Variants in AKAP13 observed in about 807,000 individuals in gnomAD.
The protein encoded by AKAP13 is A-kinase anchoring protein 13, also known as A-kinase anchor protein 13.
Under a neutral mutation model 264.5 loss-of-function variants are expected in AKAP13, and 80 were observed. The ratio of observed to expected loss-of-function variants is 0.30; its 90% CI spans 0.25 to 0.36. The LOEUF (loss-of-function observed/expected upper bound fraction) is 0.36. Ranked by LOEUF, AKAP13 falls within the 10% of genes least tolerant of loss-of-function variation. AKAP13 has a pLI of 1.00. For synonymous variants in AKAP13, 1,380 were observed against 1,250.2 expected, an observed-to-expected ratio of 1.10 and a Z score of -2.19; for missense variants, 3,712 against 3,435.2, an observed-to-expected ratio of 1.08 and a Z score of -2.01.
chr15:85,579,044 G>C lies in AKAP13; in HGVS notation c.976G>C (p.Asp326His). 1.2e-6 allele frequency: 2 copies of C among 1,614,146 alleles called. No homozygotes were observed. The highest frequency in any genetic ancestry group is 1.7e-6 in the Non-Finnish European group (2 of 1,180,028). ...TCTTCCCTGTGCACCGGAGCCCACG[G>C]ACCCTCAGCGACTTTCTTCTTCTGA... ...QFLPCAPEPT[D>H]PQRLSSSEET... Residue 326 changes from aspartate to histidine, a missense_variant, in exon 7 of 37, where the codon GAC becomes CAC. Asp to His is a moderately conservative substitution (Grantham distance 81). Around this residue, in one of 3 missense-constraint regions of AKAP13, gnomAD observed 2,759 missense variants for 2,411.7 expected, o/e 1.14. Coordinates refer to ENST00000394518, the MANE Select transcript of AKAP13 (RefSeq NM_007200.5).
chr15:85,734,104 A>AT (rs2151760785), intron 30 of AKAP13, among the ~76,000 whole-genome samples: 1 of 151,930 alleles, frequency 6.6e-6, no homozygotes, highest in East Asian at 1.9e-4. Flanking sequence ...AAGTGCTGGG[A>AT]TTACAGGCAT....
chr15:85,457,254 TG>T (rs546431996), intron 1 of AKAP13, among the ~76,000 whole-genome samples: 65 of 152,362 alleles, frequency 4.3e-4, no homozygotes, highest in African/African-American at 1.5e-3. Flanking sequence ...TGCTTTTTTT[TG>T]GTGATTGAGG....
chr15:85,545,562 A>G (rs1176137229), intron 5 of AKAP13, among the ~76,000 whole-genome samples: 6 of 152,326 alleles, frequency 3.9e-5, no homozygotes, highest in African/African-American at 1.4e-4. Flanking sequence ...GGGAAAACCA[A>G]CCTGAGAAAT....
Position 85,578,910 on chromosome 15 carries a change from T to C in AKAP13, c.862-20T>C, listed in dbSNP as rs199755046. 6.3e-7 allele frequency: 1 copy of C among 1,598,724 alleles called. No homozygotes were observed. The highest frequency in any genetic ancestry group is 1.3e-5 in the African/African-American group (1 of 74,404). ...TCTCCTACAGGCAGTTTTTTAAAAGTGTATTTCATTTCCTCCTAGAAAACA... is the reference window on the plus strand; with the variant it reads ...TCTCCTACAGGCAGTTTTTTAAAAGCGTATTTCATTTCCTCCTAGAAAACA... On this transcript the variant is annotated intron_variant, in intron 6 of 36. Coordinates refer to ENST00000394518, the MANE Select transcript of AKAP13 (RefSeq NM_007200.5).
At chr15:85,443,560 G>A (rs922307596) in intron 1 of AKAP13, among the ~76,000 whole-genome samples, 5 of 152,000 alleles carry the variant, frequency 3.3e-5, no homozygotes, top group African/African-American at 1.2e-4. Context: ...CTGGCGATAT[G>A]GGCACAGAGT....
intron 11 of AKAP13, 97 bp downstream of exon 11, chr15:85,655,884 C>G: frequency 2.0e-6 from 3 of 1,481,688 alleles, no homozygotes; most frequent in South Asian, 2.8e-5. Context: ...TTAGGAGACC[C>G]CATAGTATAG....
At chr15:85,655,268 T>A (rs1342867618) in intron 10 of AKAP13, 149 bp from the exon 11 acceptor site, 1 of 871,520 alleles carries the variant, frequency 1.1e-6, no homozygotes, top group Non-Finnish European at 1.7e-6. Context: ...CCAATTGTGA[T>A]CATCCTATTA....
intron 2 of AKAP13, among the ~76,000 whole-genome samples, chr15:85,505,759 T>C (rs778251686): frequency 1.7e-4 from 26 of 152,194 alleles, no homozygotes; most frequent in Non-Finnish European, 1.3e-4. Context: ...TTTTGAGGGA[T>C]GTGGATACTA....
chr15:85,696,816 G>T (rs959730905), intron 17 of AKAP13, among the ~76,000 whole-genome samples: 1 of 152,164 alleles, frequency 6.6e-6, no homozygotes, highest in East Asian at 1.9e-4. Context: ...CAAGATATGC[G>T]GCCTCAGGGT....
At chr15:85,523,683 T>A (rs917900367) in intron 3 of AKAP13, among the ~76,000 whole-genome samples, 1 of 152,218 alleles carries the variant, frequency 6.6e-6, no homozygotes, top group East Asian at 1.9e-4. Flanking sequence ...AGAAGGCTGT[T>A]CTAGGAAACT....
At chr15:85,382,073 C>G (rs1313487507) in intron 1 of AKAP13, 2 of 152,158 alleles carry the variant, frequency 1.3e-5, no homozygotes, top group Non-Finnish European at 2.9e-5. Context: ...ACATATTACA[C>G]TTAATTTGGT....
intron 13 of AKAP13, 91 bp downstream of exon 13, chr15:85,664,846 C>A: frequency 8.4e-7 from 1 of 1,189,234 alleles, no homozygotes; most frequent in Non-Finnish European, 1.2e-6. Context: ...AGGCTAGTAG[C>A]TATGATTACT....
intron 1 of AKAP13, among the ~76,000 whole-genome samples, chr15:85,395,090 C>G (rs1475388818): frequency 6.6e-6 from 1 of 152,144 alleles, no homozygotes; most frequent in East Asian, 1.9e-4. Context: ...GCTTATAGCC[C>G]ATTGTTCAGA....
At chr15:85,559,765 G>C (rs921039273) in intron 5 of AKAP13, among the ~76,000 whole-genome samples, 11 of 149,200 alleles carry the variant, frequency 7.4e-5, no homozygotes, top group African/African-American at 2.5e-4. Context: ...TGTAAATACA[G>C]ATGAAGCTTC....
At chr15:85,399,519 AAAAT>A (rs2071304016) in intron 1 of AKAP13, among the ~76,000 whole-genome samples, 14 of 124,602 alleles carry the variant, frequency 1.1e-4, no homozygotes, top group African/African-American at 3.6e-4. Flanking sequence ...AAAAAAAAAA[AAAAT>A]AAAAAAATAA....
At chr15:85,631,881 A>G (rs1378319081) in intron 8 of AKAP13, among the ~76,000 whole-genome samples, 3 of 152,206 alleles carry the variant, frequency 2.0e-5, no homozygotes, top group African/African-American at 7.2e-5. Context: ...TAAAAGAAAT[A>G]TATAACCATT....
intron 2 of AKAP13, among the ~76,000 whole-genome samples, chr15:85,520,424 G>A (rs555922578): frequency 6.7e-5 from 10 of 149,062 alleles, no homozygotes; most frequent in Non-Finnish European, 1.2e-4. Context: ...CTTGAACCTA[G>A]GAGTTGGAGG....
chr15:85,531,935 G>T (rs1017958706), intron 3 of AKAP13, among the ~76,000 whole-genome samples: 1 of 152,196 alleles, frequency 6.6e-6, no homozygotes, highest in Non-Finnish European at 1.5e-5. Context: ...CCTGTTTATA[G>T]GCAATGTGAT....
intron 8 of AKAP13, among the ~76,000 whole-genome samples, chr15:85,610,937 C>A (rs2080584384): frequency 1.3e-5 from 2 of 152,222 alleles, no homozygotes; most frequent in Admixed American, 1.3e-4. Context: ...CGACATCGCG[C>A]CACTGCGCTC....
Sources: gnomAD v4.1 joint callset for allele counts (sites outside exome capture counted in the v4.1 genomes callset) on GRCh38, gnomAD v4.1.1 for gene constraint, gnomAD v4.1.1 regional missense constraint, MANE v1.5 for transcripts, NCBI Gene and HGNC (gene_info 2026-07-23, HGNC 2026-07-21) for gene names.